The following PDZD2 variants were observed in gnomAD, a reference collection of about 807,000 sequenced individuals.
The protein encoded by PDZD2 is PDZ domain-containing protein 2.
Under a neutral mutation model 220.7 loss-of-function variants are expected in PDZD2, and 90 were observed. The observed-to-expected ratio is 0.41, with a 90% CI of 0.34 to 0.49. The LOEUF (loss-of-function observed/expected upper bound fraction) is 0.49. Ranked by LOEUF, PDZD2 falls within the 20% of genes least tolerant of loss-of-function variation. The pLI is 0.28. For missense variants in PDZD2, 3,174 were observed against 3,608.5 expected, an observed-to-expected ratio of 0.88 and a Z score of 3.08; for synonymous variants, 1,375 against 1,450.5, an observed-to-expected ratio of 0.95 and a Z score of 1.18.
At chr5:32,001,539 C>T (rs1051957193) in intron 5 of PDZD2, among the ~76,000 whole-genome samples, 1 of 150,912 alleles carries the variant, frequency 6.6e-6, no homozygotes, top group African/African-American at 2.5e-5. Context: ...CAGTGTCTGT[C>T]CCCTGTCTCC....
intron 1 of PDZD2, among the ~76,000 whole-genome samples, chr5:31,760,768 C>G (rs1402169743): frequency 6.6e-6 from 1 of 151,862 alleles, no homozygotes; most frequent in African/African-American, 2.4e-5. Context: ...ATGACAAATA[C>G]AAAATTAGCC....
chr5:32,077,962 A>AAAAAAAAAAAG (rs952559815), intron 19 of PDZD2: 1 of 196,298 alleles, frequency 5.1e-6, no homozygotes, highest in Admixed American at 5.4e-5. Context: ...TGTCAAAAAA[A>AAAAAAAAAAAG]AAAGAAAAAA....
intron 2 of PDZD2, among the ~76,000 whole-genome samples, chr5:31,965,235 A>C (rs981668864): frequency 6.6e-6 from 1 of 152,220 alleles, no homozygotes; most frequent in Non-Finnish European, 1.5e-5. Flanking sequence ...GAGAGCTCCA[A>C]AGCCAAAAGA....
intron 1 of PDZD2, among the ~76,000 whole-genome samples, chr5:31,680,454 T>C (rs1418692387): frequency 6.6e-6 from 1 of 152,144 alleles, no homozygotes; most frequent in Non-Finnish European, 1.5e-5. Context: ...GAGGTGAGGA[T>C]GGCTGGCTGT....
intron 9 of PDZD2, among the ~76,000 whole-genome samples, chr5:32,053,322 A>C (rs538373166): frequency 6.6e-6 from 1 of 152,280 alleles, no homozygotes; most frequent in Non-Finnish European, 1.5e-5. Context: ...TGATATGAAT[A>C]ACTTGACATT....
At chr5:31,692,699 C>T (rs1747193130) in intron 1 of PDZD2, among the ~76,000 whole-genome samples, 2 of 152,192 alleles carry the variant, frequency 1.3e-5, no homozygotes, top group African/African-American at 4.8e-5. Flanking sequence ...GGGACGTGGA[C>T]AGTGTGAGGG....
chr5:31,803,294 T>C (rs1754516592), intron 2 of PDZD2, among the ~76,000 whole-genome samples: 1 of 120,788 alleles, frequency 8.3e-6, no homozygotes, highest in African/African-American at 3.4e-5. Flanking sequence ...GTAGAGATGG[T>C]ATCTTACTAT....
chr5:31,862,622 G>A (rs1336009541), intron 2 of PDZD2, among the ~76,000 whole-genome samples: 1 of 149,102 alleles, frequency 6.7e-6, no homozygotes, highest in Non-Finnish European at 1.5e-5. Flanking sequence ...GTGCAGTAGT[G>A]CAATCTTGGC....
intron 2 of PDZD2, among the ~76,000 whole-genome samples, chr5:31,824,684 G>GAAAA (rs61458710): frequency 7.1e-6 from 1 of 140,164 alleles, no homozygotes. Flanking sequence ...TGTCTAACCT[G>GAAAA]AAAAAAAAAA....
chr5:32,037,060 C>T (rs1224754130), intron 6 of PDZD2, among the ~76,000 whole-genome samples, 171 bp from the exon 7 acceptor site: 2 of 152,232 alleles, frequency 1.3e-5, no homozygotes, highest in African/African-American at 2.4e-5. Flanking sequence ...CAATGCAAGG[C>T]GTTGCGAATG....
chr5:31,875,922 C>T (rs549200313), intron 2 of PDZD2, among the ~76,000 whole-genome samples: 2 of 152,090 alleles, frequency 1.3e-5, no homozygotes, highest in African/African-American at 4.8e-5. Context: ...TCCTTTCATA[C>T]TCCTTTTTCA....
intron 2 of PDZD2, among the ~76,000 whole-genome samples, chr5:31,855,957 GA>G (rs1234070695): frequency 3.3e-5 from 5 of 152,064 alleles, no homozygotes; most frequent in Non-Finnish European, 7.4e-5. Context: ...GTCATCCTGG[GA>G]ACCATGTCTG....
chr5:31,833,531 A>G (rs6876231), intron 2 of PDZD2, among the ~76,000 whole-genome samples: 151,304 of 151,312 alleles, frequency 1, 75,648 homozygotes, highest in Middle Eastern at 1. Flanking sequence ...TAATCCGCCC[A>G]CCTTGGCCTC....
At chr5:31,822,435 TA>T in intron 2 of PDZD2, 1 of 392,082 alleles carries the variant, frequency 2.6e-6, no homozygotes, top group Non-Finnish European at 4.8e-6. Flanking sequence ...CACACCTGGC[TA>T]ATTTTTTTAT....
chr5:31,800,088 T>G (rs1754305840), intron 2 of PDZD2, among the ~76,000 whole-genome samples: 1 of 152,086 alleles, frequency 6.6e-6, no homozygotes, highest in Non-Finnish European at 1.5e-5. Context: ...CACCACCATA[T>G]TAAGTTATTG....
At chr5:31,774,112 C>A (rs1394577271) in intron 1 of PDZD2, among the ~76,000 whole-genome samples, 3 of 152,078 alleles carry the variant, frequency 2.0e-5, no homozygotes, top group Admixed American at 2.0e-4. Context: ...AGCCAGCTCA[C>A]CCCAGCCCTA....
At position 31,862,796 on chromosome 5, in the gene PDZD2, C is replaced by T. The variant is rs190141103; in HGVS notation, c.476+63072C>T. 2.3e-3 allele frequency among the ~76,000 whole-genome samples: 354 copies of T among 152,134 alleles called. 3 individuals are homozygous for T. Among genetic ancestry groups the T allele is most frequent in the African/African-American group, 7.9e-3 (328 of 41,508 alleles). On this transcript the variant is annotated intron_variant, in intron 2 of 24. Transcript: ENST00000438447. ...AGGCTGGAGTGCAGTGGCCTGATCT[C>T]GGCTCATTGCAACCTCTGCCTCCCG...
chr5:31,846,531 A>T (rs979017570), intron 2 of PDZD2, among the ~76,000 whole-genome samples: 2 of 152,180 alleles, frequency 1.3e-5, no homozygotes, highest in African/African-American at 2.4e-5. Context: ...CCATCCATTC[A>T]ATCAACATTT....
At chr5:32,092,797 T>C in intron 20 of PDZD2, 110 bp from the exon 21 acceptor site, 1 of 528,324 alleles carries the variant, frequency 1.9e-6, no homozygotes, top group Non-Finnish European at 3.3e-6. Context: ...GAGCAGAAAA[T>C]ACCTGTTCTC....
Sources: gnomAD v4.1 joint callset for allele counts (sites outside exome capture counted in the v4.1 genomes callset) on GRCh38, gnomAD v4.1.1 for gene constraint, MANE v1.5 for transcripts, NCBI Gene and HGNC (gene_info 2026-07-23, HGNC 2026-07-21) for gene names.